Variants in SLC1A6 observed in about 807,000 individuals in gnomAD.
The protein encoded by SLC1A6 is excitatory amino acid transporter 4.
Under a neutral mutation model 42.1 loss-of-function variants are expected in SLC1A6, and 15 were observed. The observed-to-expected ratio is 0.36, with a 90% CI of 0.24 to 0.55. The LOEUF (loss-of-function observed/expected upper bound fraction) is 0.55. Among genes scored for constraint, SLC1A6 ranks in the 20% least tolerant of loss-of-function variants. SLC1A6 has a pLI of 0.88. For missense variants in SLC1A6, 542 were observed against 772.5 expected, an observed-to-expected ratio of 0.70 and a Z score of 3.54; for synonymous variants, 317 against 319.7, an observed-to-expected ratio of 0.99 and a Z score of 0.09.
In SLC1A6 at chr19:14,987,382, G is replaced by T. The variant is rs555351726; in HGVS notation, c.7-14465C>A. 7.4e-4 allele frequency among the ~76,000 whole-genome samples: 112 copies of T among 151,818 alleles called. No individual in the cohort carries two copies. The South Asian group carries it at 0.011, about 15-fold the overall frequency. ...CTCGGGAGGCTGAGGCAGAAGAATT[G>T]CTTGAACCCCAGGAGGCAGAGGTTG... On this transcript the variant is annotated intron_variant, in intron 1 of 8. Coordinates refer to the SLC1A6 transcript ENST00000430939.
chr19:15,008,847 T>G (rs1473293142), intron 1 of SLC1A6, among the ~76,000 whole-genome samples: 1 of 147,860 alleles, frequency 6.8e-6, no homozygotes, highest in Non-Finnish European at 1.5e-5. Flanking sequence ...AATTCGCGTT[T>G]TTTTTTTTTT....
At chr19:14,995,363 AAGAAAAGGG>A (rs796620624) in intron 1 of SLC1A6, among the ~76,000 whole-genome samples, 5,351 of 123,124 alleles carry the variant, frequency 0.043, 170 homozygotes, top group South Asian at 0.15. Context: ...GAAAGAAAGA[AAGAAAAGGG>A]AAGGGAAGGG....
chr19:14,960,176 A>C (rs964307582), intron 6 of SLC1A6, among the ~76,000 whole-genome samples: 1 of 152,260 alleles, frequency 6.6e-6, no homozygotes, highest in South Asian at 2.1e-4. Context: ...TAAGGAAATA[A>C]GCAAATGAAA....
intron 7 of SLC1A6, 23 bp from the exon 8 acceptor site, chr19:14,954,352 G>A: frequency 6.3e-7 from 1 of 1,599,958 alleles, no homozygotes; most frequent in Non-Finnish European, 8.5e-7. Flanking sequence ...GCCCAGGACT[G>A]AGGATGGGGC....
chr19:14,991,678 A>G (rs2045820806), intron 1 of SLC1A6, among the ~76,000 whole-genome samples: 1 of 152,082 alleles, frequency 6.6e-6, no homozygotes, highest in African/African-American at 2.4e-5. Context: ...ATAAAACAAA[A>G]GTAAAGGAGT....
intron 1 of SLC1A6, among the ~76,000 whole-genome samples, chr19:14,992,951 C>T (rs146303547): frequency 1.8e-4 from 28 of 152,194 alleles, no homozygotes; most frequent in African/African-American, 6.3e-4. Flanking sequence ...GAGGCATCCC[C>T]GCAGCCCCCA....
At chr19:15,007,973 C>T (rs373841510) in intron 1 of SLC1A6, among the ~76,000 whole-genome samples, 27 of 151,650 alleles carry the variant, frequency 1.8e-4, no homozygotes, top group Admixed American at 6.6e-4. Context: ...TGCAGTGAGT[C>T]GAGATCATGC....
chr19:14,973,652 T>G (rs1274508246), intron 1 of SLC1A6: 1 of 152,828 alleles, frequency 6.5e-6, no homozygotes, highest in Non-Finnish European at 1.5e-5. Flanking sequence ...ATCACAAGCC[T>G]CTGGGGGCTG....
chr19:14,972,968 G>T, intron 1 of SLC1A6, 51 bp from the exon 2 acceptor site: 1 of 1,413,088 alleles, frequency 7.1e-7, no homozygotes, highest in South Asian at 1.4e-5. Context: ...ACAGAAGGCC[G>T]GCGTGGGCAG....
At chr19:14,991,934 T>G (rs577498734) in intron 1 of SLC1A6, among the ~76,000 whole-genome samples, 12 of 152,130 alleles carry the variant, frequency 7.9e-5, no homozygotes, top group Admixed American at 6.5e-4. Flanking sequence ...CTAGTGATTC[T>G]CCTGCCTCAG....
chr19:14,978,970 C>A (rs545787459), intron 1 of SLC1A6, among the ~76,000 whole-genome samples: 1 of 149,638 alleles, frequency 6.7e-6, no homozygotes, highest in African/African-American at 2.5e-5. Flanking sequence ...TCAAAATCAT[C>A]CTCACATTTA....
upstream of SLC1A6, among the ~76,000 whole-genome samples, chr19:14,984,357 G>C (rs1197404436): frequency 6.6e-6 from 1 of 151,372 alleles, no homozygotes; most frequent in East Asian, 1.9e-4. Context: ...AAAAAAAAAA[G>C]CAACTTCATA....
chr19:14,997,236 C>T (rs950189346), intron 1 of SLC1A6, among the ~76,000 whole-genome samples: 10 of 152,088 alleles, frequency 6.6e-5, no homozygotes, highest in African/African-American at 2.4e-4. Context: ...CTCTTACCTA[C>T]CTATGACCTG....
intron 5 of SLC1A6, among the ~76,000 whole-genome samples, chr19:14,962,622 T>C (rs2045527492): frequency 6.6e-6 from 1 of 152,116 alleles, no homozygotes. Flanking sequence ...AAAATAGAAC[T>C]ACCGGCCGGG....
chr19:14,998,896 T>A (rs11667082), intron 1 of SLC1A6, among the ~76,000 whole-genome samples: 1,739 of 94,676 alleles, frequency 0.018, 27 homozygotes, highest in African/African-American at 0.067. Context: ...TTATTTATTT[T>A]TAATGGAGTC....
intron 1 of SLC1A6, among the ~76,000 whole-genome samples, chr19:14,998,420 A>C (rs986875649): frequency 6.6e-6 from 1 of 152,184 alleles, no homozygotes; most frequent in Non-Finnish European, 1.5e-5. Context: ...ACATGCCTGT[A>C]ATCCCAGATA....
In SLC1A6 at chr19:14,990,185, C is replaced by T. The variant is rs149357308; in HGVS notation, c.7-17268G>A. Among the ~76,000 whole-genome samples the T allele has an allele frequency of 1.6e-4, 25 of 151,938 alleles. 1 individual carries two copies. The East Asian group carries it at 4.4e-3, about 27-fold the overall frequency. On this transcript the variant is annotated intron_variant, in intron 1 of 8. Transcript: ENST00000430939. ...ATATGGAAGCAACCTAAGTGTCCAC[C>T]GAGAAATGGATTTTTAAATGTACTA...
intron 1 of SLC1A6, among the ~76,000 whole-genome samples, chr19:14,975,667 G>A (rs2045696492): frequency 6.6e-6 from 1 of 150,718 alleles, no homozygotes; most frequent in Non-Finnish European, 1.5e-5. Context: ...CAGGAGAATC[G>A]CTTTGAACCC....
At chr19:14,999,095 G>T (rs7246371) in intron 1 of SLC1A6, among the ~76,000 whole-genome samples, 107 of 152,054 alleles carry the variant, frequency 7.0e-4, no homozygotes, top group African/African-American at 2.2e-3. Context: ...AGCCATGATG[G>T]TCTCAATCTC....
Sources: gnomAD v4.1 joint callset for allele counts (sites outside exome capture counted in the v4.1 genomes callset) on GRCh38, gnomAD v4.1.1 for gene constraint, MANE v1.5 for transcripts, NCBI Gene and HGNC (gene_info 2026-07-23, HGNC 2026-07-21) for gene names.